Variants in PXT1 observed in about 807,000 individuals in gnomAD.
PXT1 encodes peroxisomal testis enriched protein 1, also known as peroxisomal testis-specific protein 1.
In PXT1, 11 loss-of-function variants were observed where a neutral mutation model predicts 11.0. The ratio of observed to expected loss-of-function variants is 1.00; its 90% CI spans 0.63 to 1.66. The LOEUF (loss-of-function observed/expected upper bound fraction) is 1.66. Ranked by LOEUF, PXT1 falls within the 40% of genes most tolerant of loss-of-function variation. The pLI, the probability that PXT1 is intolerant of heterozygous loss-of-function variation, is 0.00. For missense variants in PXT1, 141 were observed against 155.5 expected (o/e 0.91, Z 0.49); for synonymous variants, 43 against 51.4 (o/e 0.84, Z 0.70).
chr6:36,418,240 A>G (rs940308060), intron 3 of PXT1, among the ~76,000 whole-genome samples: 1 of 152,178 alleles, frequency 6.6e-6, no homozygotes, highest in African/African-American at 2.4e-5. Flanking sequence ...ATGAGAATAC[A>G]CATAGGTTTG....
At chr6:36,431,631 G>A (rs976560456) in intron 2 of PXT1, among the ~76,000 whole-genome samples, 3 of 152,162 alleles carry the variant, frequency 2.0e-5, no homozygotes, top group Non-Finnish European at 4.4e-5. Context: ...CCTGGGTGTA[G>A]TGGCATGTGC....
At chr6:36,402,717 TA>T (rs1225387527) in intron 3 of PXT1, among the ~76,000 whole-genome samples, 3 of 152,106 alleles carry the variant, frequency 2.0e-5, no homozygotes, top group Non-Finnish European at 4.4e-5. Flanking sequence ...GTTTTATGCA[TA>T]AACTCTAAGC....
At chr6:36,418,052 C>T (rs996587006) in intron 3 of PXT1, among the ~76,000 whole-genome samples, 1 of 151,876 alleles carries the variant, frequency 6.6e-6, no homozygotes, top group African/African-American at 2.4e-5. Context: ...AAAAATTAGC[C>T]GGGCGTGGTG....
chr6:36,398,683 C>T (rs1486604703), intron 4 of PXT1, among the ~76,000 whole-genome samples: 2 of 152,200 alleles, frequency 1.3e-5, no homozygotes, highest in African/African-American at 4.8e-5. Flanking sequence ...TCCACAGAGA[C>T]ACAAAGTAGA....
intron 3 of PXT1, among the ~76,000 whole-genome samples, chr6:36,411,002 T>C (rs1458610277): frequency 6.6e-6 from 1 of 152,236 alleles, no homozygotes; most frequent in African/African-American, 2.4e-5. Context: ...TAGTAATGTA[T>C]TATTTTATTC....
At chr6:36,417,633 T>C (rs1582261851) in intron 3 of PXT1, among the ~76,000 whole-genome samples, 1 of 140,754 alleles carries the variant, frequency 7.1e-6, no homozygotes, top group Non-Finnish European at 1.5e-5. Context: ...CCGGGCGTGG[T>C]GGTGTACGCC....
chr6:36,442,577 C>T lies in PXT1; in HGVS notation c.-172G>A, dbSNP rs1047153021. On this transcript the variant is annotated 5_prime_UTR_variant, in exon 1 of 5. Coordinates refer to ENST00000454782, the MANE Select transcript of PXT1 (RefSeq NM_152990.4). ...TTTGAGAAAAATGTGGAGTTTTTCCCCCTTTCTTTTGGCCAGAATGTATAT... is the reference window on the plus strand; with the variant it reads ...TTTGAGAAAAATGTGGAGTTTTTCCTCCTTTCTTTTGGCCAGAATGTATAT... 2 of 152,162 alleles carry T rather than the reference C, an allele frequency of 1.3e-5. No homozygotes were observed. Among genetic ancestry groups the T allele is most frequent in the Non-Finnish European group, 2.9e-5 (2 of 68,010 alleles). The allele number at this position is 152,162 out of a possible 1,614,324, so 9.4% of individuals were successfully genotyped here. A position where few individuals can be genotyped will look rare whatever the true frequency, so the allele number is the denominator to read the frequency against.
At chr6:36,418,465 T>C (rs1774481980) in intron 3 of PXT1, among the ~76,000 whole-genome samples, 1 of 152,240 alleles carries the variant, frequency 6.6e-6, no homozygotes, top group South Asian at 2.1e-4. Context: ...GGGCTTTCTA[T>C]GTGCCAGGTG....
At chr6:36,430,234 A>G (rs1774674296) in intron 2 of PXT1, among the ~76,000 whole-genome samples, 1 of 151,982 alleles carries the variant, frequency 6.6e-6, no homozygotes, top group Non-Finnish European at 1.5e-5. Flanking sequence ...ATCTCTTATC[A>G]TTTCTTCTGT....
At position 36,410,753 on chromosome 6, in the gene PXT1, C is replaced by T. The variant is rs151212898; in HGVS notation, c.170-10169G>A. 1.7e-3 allele frequency among the ~76,000 whole-genome samples: 256 copies of T among 152,208 alleles called. 1 individual carries two copies. Among genetic ancestry groups the T allele is most frequent in the Non-Finnish European group, 3.1e-3 (211 of 68,018 alleles). The stretch of plus-strand genomic sequence containing the variant: ...AAAGGTCTCTTTGTTCTGGCATTTG[C>T]GGGACATGGAGCCAGAAACTAACTC... On this transcript the variant is annotated intron_variant, in intron 3 of 4. Coordinates refer to ENST00000454782, the MANE Select transcript of PXT1 (RefSeq NM_152990.4).
intron 2 of PXT1, among the ~76,000 whole-genome samples, chr6:36,426,355 CTTTTTTTTTTTTTTTT>C (rs751410377): frequency 1.3e-5 from 1 of 76,774 alleles, no homozygotes; most frequent in Non-Finnish European, 2.4e-5. Context: ...CTCTCTCTCG[CTTTTTTTTTTTTTTTT>C]TTTTTTTTTT....
chr6:36,396,012 C>T (rs527679771), intron 4 of PXT1, among the ~76,000 whole-genome samples: 4 of 152,058 alleles, frequency 2.6e-5, no homozygotes, highest in Non-Finnish European at 4.4e-5. Flanking sequence ...AACAAACAAA[C>T]AAAAGAAGGT....
Position 36,438,835 on chromosome 6 carries a change from T to C in PXT1, c.-78A>G, listed in dbSNP as rs1774812054. ...GCTTGAGTTAATAAATTGCAAAGTT[T>C]CCCTCTTTTGTTTGCTTTGTTTTCC... On this transcript the variant is annotated 5_prime_UTR_variant, in exon 2 of 5. Transcript: ENST00000454782. 1 of 152,260 alleles carries C rather than the reference T, an allele frequency of 6.6e-6. No homozygotes were observed. Among genetic ancestry groups the C allele is most frequent in the African/African-American group, 2.4e-5 (1 of 41,464 alleles). The allele number at this position is 152,260 out of a possible 1,614,324, so 9.4% of individuals were successfully genotyped here.
chr6:36,438,583 C>T (rs901521380), intron 2 of PXT1, among the ~76,000 whole-genome samples, 184 bp downstream of exon 2: 4 of 152,102 alleles, frequency 2.6e-5, no homozygotes, highest in Admixed American at 6.5e-5. Flanking sequence ...CCACCACGCC[C>T]GGCTAATTGT....
At chr6:36,426,671 C>G (rs1447482368) in intron 2 of PXT1, among the ~76,000 whole-genome samples, 1 of 152,112 alleles carries the variant, frequency 6.6e-6, no homozygotes, top group Non-Finnish European at 1.5e-5. Flanking sequence ...CACCTGGCCT[C>G]TTCTCTTTTC....
Position 36,441,975 on chromosome 6 carries a change from G to A in PXT1, c.-130+560C>T, listed in dbSNP as rs146998282. ...TGTAAGGAAAAGGAGAATCGACTTC[G>A]AATTTTAAAATTTGTGCTATTATTA... On this transcript the variant is annotated intron_variant, in intron 1 of 4. Coordinates refer to ENST00000454782, the MANE Select transcript of PXT1 (RefSeq NM_152990.4). 3.5e-3 allele frequency among the ~76,000 whole-genome samples: 537 copies of A among 152,080 alleles called. 5 individuals are homozygous for A. The highest frequency in any genetic ancestry group is 0.027 in the Middle Eastern group (8 of 294).
At chr6:36,418,006 C>T (rs1206823264) in intron 3 of PXT1, among the ~76,000 whole-genome samples, 2 of 151,388 alleles carry the variant, frequency 1.3e-5, no homozygotes, top group East Asian at 3.9e-4. Flanking sequence ...ACCATCCTGG[C>T]TAACATGGTA....
chr6:36,400,506 G>C lies in PXT1; in HGVS notation c.248C>G (p.Ala83Gly). 6.2e-7 allele frequency: 1 copy of C among 1,613,860 alleles called. No homozygotes were observed. The highest frequency in any genetic ancestry group is 8.5e-7 in the Non-Finnish European group (1 of 1,179,854). Residue 83 changes from alanine (A) to glycine (G), a missense_variant, in exon 4 of 5, where the codon GCC (alanine) becomes GGC (glycine). By Grantham distance (60) the Ala-to-Gly change is moderately conservative. Coordinates refer to ENST00000454782, the MANE Select transcript of PXT1 (RefSeq NM_152990.4). ...GTCCCCAATGTGTCTCAGCTGCATG[G>C]CCAACTTGTGAATTATTTCCTCCTG... is the stretch of plus-strand genomic sequence containing the variant. ...HHQEEIIHKL[A>G]MQLRHIGDNI...
chr6:36,441,312 T>G (rs1774860461), intron 1 of PXT1, among the ~76,000 whole-genome samples: 3 of 152,346 alleles, frequency 2.0e-5, no homozygotes, highest in Admixed American at 6.5e-5. Flanking sequence ...CTGCTACTGT[T>G]GTAAAGTTTG....
Sources: allele counts gnomAD v4.1 joint callset (sites outside exome capture counted in the v4.1 genomes callset), GRCh38; gene constraint gnomAD v4.1.1; transcripts MANE v1.5; gene names NCBI Gene and HGNC (gene_info 2026-07-23, HGNC 2026-07-21).